Variants in MYRIP observed in about 807,000 individuals in gnomAD.
The protein encoded by MYRIP is myosin VIIA and Rab interacting protein.
Under a neutral mutation model 98.0 loss-of-function variants are expected in MYRIP, and 49 were observed. The ratio of observed to expected loss-of-function variants is 0.50; its 90% CI spans 0.40 to 0.63. MYRIP has a LOEUF of 0.63. Among genes scored for constraint, MYRIP ranks in the 30% least tolerant of loss-of-function variants. MYRIP has a pLI of 0.00. For synonymous variants in MYRIP, 404 were observed against 409.5 expected (o/e 0.99, Z 0.16); for missense variants, 1,004 against 1,058.2 (o/e 0.95, Z 0.71).
chr3:40,035,869 C>T (rs181702176), intron 2 of MYRIP, among the ~76,000 whole-genome samples: 1 of 151,980 alleles, frequency 6.6e-6, no homozygotes, highest in African/African-American at 2.4e-5. Flanking sequence ...AAATATGAAA[C>T]TCAATACAAT....
At chr3:40,068,197 G>A (rs751911822) in intron 3 of MYRIP, among the ~76,000 whole-genome samples, 1 of 152,038 alleles carries the variant, frequency 6.6e-6, no homozygotes, top group Non-Finnish European at 1.5e-5. Flanking sequence ...ATATATTTTT[G>A]GCTCTTCTTA....
Position 40,202,906 on chromosome 3 carries a change from C to CTTACTTACTTATTTAT in MYRIP, c.1666-6945_1666-6944insCTTACTTATTTATTTA, listed in dbSNP as rs369594921. ...ATCCCCATCACCTCACCTCCATTTA[C>CTTACTTACTTATTTAT]TTATTTATTTATTTATTTATTTATT... On this transcript the variant is annotated intron_variant, in intron 10 of 16. Coordinates refer to ENST00000302541, the MANE Select transcript of MYRIP (RefSeq NM_015460.4). 2.3e-3 allele frequency among the ~76,000 whole-genome samples: 329 copies of CTTACTTACTTATTTAT among 142,506 alleles called. 1 individual carries two copies. The highest frequency in any genetic ancestry group is 5.8e-3 in the African/African-American group (225 of 38,626). 93.5% of individuals were successfully genotyped at this position (142,506 alleles called of 152,430 possible). A position where few individuals can be genotyped will look rare whatever the true frequency, so the allele number is the denominator to read the frequency against.
At chr3:40,136,583 T>A (rs1028688033) in intron 3 of MYRIP, among the ~76,000 whole-genome samples, 5 of 149,358 alleles carry the variant, frequency 3.3e-5, no homozygotes, top group Non-Finnish European at 7.4e-5. Flanking sequence ...GAATATACAT[T>A]GTTTTCAGCA....
chr3:40,078,837 G>C (rs192435903), intron 3 of MYRIP, among the ~76,000 whole-genome samples: 1 of 152,202 alleles, frequency 6.6e-6, no homozygotes, highest in Non-Finnish European at 1.5e-5. Flanking sequence ...CAGACTGCCC[G>C]TTCTGCTGAA....
intron 3 of MYRIP, among the ~76,000 whole-genome samples, chr3:40,114,241 ATACT>A (rs898109708): frequency 3.9e-5 from 6 of 152,206 alleles, no homozygotes; most frequent in African/African-American, 1.2e-4. Context: ...AGGTACACAA[ATACT>A]TACATTATGT....
intron 1 of MYRIP, among the ~76,000 whole-genome samples, chr3:39,828,143 G>T (rs1424152342): frequency 2.0e-5 from 3 of 151,984 alleles, no homozygotes; most frequent in Non-Finnish European, 4.4e-5. Context: ...GGAACTTATG[G>T]AGTTTTCAGC....
intron 1 of MYRIP, among the ~76,000 whole-genome samples, chr3:39,863,070 A>C (rs193284823): frequency 6.6e-6 from 1 of 152,314 alleles, no homozygotes; most frequent in East Asian, 1.9e-4. Flanking sequence ...TGGGTAAATA[A>C]TGAAATTAAT....
chr3:39,827,193 G>A (rs1008613705), intron 1 of MYRIP, among the ~76,000 whole-genome samples: 3 of 152,108 alleles, frequency 2.0e-5, no homozygotes, highest in African/African-American at 7.2e-5. Flanking sequence ...GCTCACTCCA[G>A]CCTCAAACTC....
At chr3:40,213,197 T>A (rs759426861) in intron 11 of MYRIP, among the ~76,000 whole-genome samples, 2 of 152,204 alleles carry the variant, frequency 1.3e-5, no homozygotes. Flanking sequence ...TGCTTTTTAA[T>A]TGATCCCTAG....
intron 2 of MYRIP, among the ~76,000 whole-genome samples, chr3:39,907,762 G>C (rs7634313): frequency 3.3e-4 from 50 of 152,204 alleles, no homozygotes; most frequent in African/African-American, 1.1e-3. Flanking sequence ...GAAGAAACAC[G>C]CTCAGAGGGT....
At chr3:39,958,318 T>A (rs1945222709) in intron 2 of MYRIP, among the ~76,000 whole-genome samples, 1 of 152,146 alleles carries the variant, frequency 6.6e-6, no homozygotes, top group Non-Finnish European at 1.5e-5. Context: ...ATGGTACTGG[T>A]ACCAAAACAG....
At chr3:39,956,437 A>G (rs1007107031) in intron 2 of MYRIP, among the ~76,000 whole-genome samples, 1 of 152,232 alleles carries the variant, frequency 6.6e-6, no homozygotes, top group Non-Finnish European at 1.5e-5. Flanking sequence ...TAATGGGTAC[A>G]TAACAAAATG....
chr3:40,134,974 A>G (rs1487884341), intron 3 of MYRIP, among the ~76,000 whole-genome samples: 3 of 152,152 alleles, frequency 2.0e-5, no homozygotes, highest in Non-Finnish European at 4.4e-5. Context: ...AAATCAGAGC[A>G]CCTCTCCTCC....
intron 3 of MYRIP, 24 bp downstream of exon 3, chr3:40,044,295 G>C: frequency 6.2e-7 from 1 of 1,606,038 alleles, no homozygotes; most frequent in Non-Finnish European, 8.5e-7. Context: ...GCATTCCCAG[G>C]GTCTACACTG....
At position 40,170,931 on chromosome 3, in the gene MYRIP, A is replaced by G. The variant is rs150553842; in HGVS notation, c.873+838A>G. On this transcript the variant is annotated intron_variant, in intron 8 of 16. Transcript: ENST00000302541. ...TGAGCAGATTAAAACGAGGGCATGC[A>G]AAGTAGCACATGGTCGACTTGCAGT... Among the ~76,000 whole-genome samples, 606 of 152,318 alleles carry G rather than the reference A, an allele frequency of 4.0e-3. 4 individuals are homozygous for G. The highest frequency in any genetic ancestry group is 0.014 in the African/African-American group (575 of 41,586).
intron 3 of MYRIP, among the ~76,000 whole-genome samples, chr3:40,044,934 C>A (rs1947638568): frequency 6.6e-6 from 1 of 152,180 alleles, no homozygotes; most frequent in South Asian, 2.1e-4. Flanking sequence ...ACCAGCAGAG[C>A]ACTTCTTTGA....
chr3:39,887,486 G>A (rs955202768), intron 1 of MYRIP, among the ~76,000 whole-genome samples: 12 of 152,034 alleles, frequency 7.9e-5, no homozygotes, highest in African/African-American at 2.9e-4. Context: ...AATGCTTCAT[G>A]CTAAAAACTC....
chr3:40,131,735 T>A (rs1949647047), intron 3 of MYRIP, among the ~76,000 whole-genome samples: 1 of 152,238 alleles, frequency 6.6e-6, no homozygotes, highest in African/African-American at 2.4e-5. Context: ...TCAGGGTTTT[T>A]TCTATTTATA....
chr3:40,066,897 A>T (rs1575509626), intron 3 of MYRIP, among the ~76,000 whole-genome samples: 1 of 152,320 alleles, frequency 6.6e-6, no homozygotes, highest in South Asian at 2.1e-4. Context: ...TGAATGAGTG[A>T]CATATTTGTG....
Sources: gnomAD v4.1 joint callset for allele counts (sites outside exome capture counted in the v4.1 genomes callset) on GRCh38, gnomAD v4.1.1 for gene constraint, MANE v1.5 for transcripts, NCBI Gene and HGNC (gene_info 2026-07-23, HGNC 2026-07-21) for gene names.